SDK1: variants seen among roughly 807,000 people sequenced by gnomAD.
The protein encoded by SDK1 is sidekick cell adhesion molecule 1.
In SDK1, 157 loss-of-function variants were observed where a neutral mutation model predicts 245.5. That is an observed-to-expected ratio of 0.64 (90% CI 0.56 to 0.73). The LOEUF (loss-of-function observed/expected upper bound fraction) is 0.73, where lower values mean the gene tolerates loss of function less well. Ranked by LOEUF, SDK1 falls within the 30% of genes least tolerant of loss-of-function variation. The probability of loss-of-function intolerance (pLI) is 0.00; values close to 1 mark genes in which losing one functional copy is unlikely to be tolerated. For synonymous variants in SDK1, 1,647 were observed against 1,278.5 expected (o/e 1.29, Z -6.15); for missense variants, 3,583 against 3,002.3 (o/e 1.19, Z -4.52).
intron 38 of SDK1, among the ~76,000 whole-genome samples, chr7:4,215,179 G>A (rs987172540): frequency 6.6e-6 from 1 of 152,200 alleles, no homozygotes; most frequent in African/African-American, 2.4e-5. Flanking sequence ...AAAGAAGAAC[G>A]TGGACCAAGA....
At chr7:3,882,561 C>G (rs967037076) in intron 5 of SDK1, among the ~76,000 whole-genome samples, 1 of 152,298 alleles carries the variant, frequency 6.6e-6, no homozygotes, top group East Asian at 1.9e-4. Context: ...GATGATCTGA[C>G]CTAGTCTGGG....
At chr7:3,719,141 A>T (rs1314143988) in intron 4 of SDK1, among the ~76,000 whole-genome samples, 2 of 152,312 alleles carry the variant, frequency 1.3e-5, no homozygotes, top group East Asian at 3.9e-4. Flanking sequence ...GATAAATCTA[A>T]CAAGAATAGA....
intron 1 of SDK1, among the ~76,000 whole-genome samples, chr7:3,431,612 C>T (rs933369104): frequency 6.6e-6 from 1 of 152,006 alleles, no homozygotes; most frequent in Non-Finnish European, 1.5e-5. Context: ...GAGAATCAAA[C>T]TTTTGTGGTA....
intron 1 of SDK1, among the ~76,000 whole-genome samples, chr7:3,348,992 T>C (rs1780582960): frequency 6.6e-6 from 1 of 152,102 alleles, no homozygotes; most frequent in Non-Finnish European, 1.5e-5. Context: ...GCCCCTCACG[T>C]TTTTGTGCAT....
intron 23 of SDK1, among the ~76,000 whole-genome samples, chr7:4,112,514 G>A (rs570717009): frequency 1.2e-3 from 185 of 152,242 alleles, no homozygotes; most frequent in Non-Finnish European, 1.8e-3. Context: ...TAAAAGGCTG[G>A]ACTTCAAAAC....
At chr7:3,720,152 A>G (rs1361312980) in intron 4 of SDK1, among the ~76,000 whole-genome samples, 1 of 152,136 alleles carries the variant, frequency 6.6e-6, no homozygotes, top group African/African-American at 2.4e-5. Flanking sequence ...GCCACTCGGG[A>G]GGCTGAGGGA....
At chr7:3,851,473 T>G (rs1780418261) in intron 5 of SDK1, among the ~76,000 whole-genome samples, 1 of 152,218 alleles carries the variant, frequency 6.6e-6, no homozygotes. Flanking sequence ...CATTGCGTGT[T>G]TATGTTCTTG....
intron 1 of SDK1, among the ~76,000 whole-genome samples, chr7:3,545,667 C>T (rs1779200092): frequency 6.6e-6 from 1 of 152,198 alleles, no homozygotes; most frequent in Admixed American, 6.5e-5. Flanking sequence ...TGCCTGCCAT[C>T]CTCTGGCTGG....
chr7:3,824,317 T>C (rs1427382827), intron 5 of SDK1, among the ~76,000 whole-genome samples: 1 of 152,234 alleles, frequency 6.6e-6, no homozygotes, highest in Non-Finnish European at 1.5e-5. Flanking sequence ...AAAAACTTTC[T>C]GGCCAGCGTT....
chr7:4,114,033 C>T lies in SDK1; in HGVS notation c.3586-4C>T, dbSNP rs777952083. 11 of 1,613,374 alleles carry T rather than the reference C, an allele frequency of 6.8e-6. No homozygotes were observed. The African/African-American group carries it at 1.1e-4, about 16-fold the overall frequency. ...GCTCATCGCGACTCCTCGTTCCTTC[C>T]TAGCCCCTGCCGGATTCTCAGTACA... is the stretch of plus-strand genomic sequence containing the variant. On this transcript the variant is annotated splice_polypyrimidine_tract_variant and splice_region_variant and intron_variant, in intron 24 of 44. Transcript: ENST00000404826.
intron 2 of SDK1, among the ~76,000 whole-genome samples, chr7:3,623,972 T>C (rs981482258): frequency 6.6e-6 from 1 of 152,198 alleles, no homozygotes; most frequent in African/African-American, 2.4e-5. Context: ...TTTTTTTCTT[T>C]TGTTTTATAA....
At chr7:3,551,153 T>G (rs1257971984) in intron 1 of SDK1, among the ~76,000 whole-genome samples, 1 of 152,216 alleles carries the variant, frequency 6.6e-6, no homozygotes, top group Non-Finnish European at 1.5e-5. Flanking sequence ...TAACCGTAGT[T>G]TGTCAGGAGT....
chr7:4,098,146 G>C (rs1782281528), intron 22 of SDK1, among the ~76,000 whole-genome samples: 1 of 152,154 alleles, frequency 6.6e-6, no homozygotes, highest in Admixed American at 6.5e-5. Flanking sequence ...TGGTGGAAAA[G>C]GGGCCTTTTT....
Position 4,266,531 on chromosome 7 carries a change from C to G in SDK1, c.*1147C>G. On this transcript the variant is annotated 3_prime_UTR_variant, in exon 45 of 45. Coordinates refer to ENST00000404826, the MANE Select transcript of SDK1 (RefSeq NM_152744.4). ...GCTGCTGCTGCCCCCTCTCCCAGTC[C>G]GAGGCCAGCTTTTAGCCTTAACAGG... The G allele has an allele frequency of 1.0e-6, 1 of 985,250 alleles. No individual in the cohort carries two copies. Among genetic ancestry groups the G allele is most frequent in the Non-Finnish European group, 1.2e-6 (1 of 829,912 alleles). 61.0% of individuals were successfully genotyped at this position (985,250 alleles called of 1,614,324 possible). A position where few individuals can be genotyped will look rare whatever the true frequency, so the allele number is the denominator to read the frequency against.
intron 17 of SDK1, among the ~76,000 whole-genome samples, chr7:4,018,515 A>G (rs1027164618): frequency 2.6e-5 from 4 of 152,234 alleles, no homozygotes; most frequent in Admixed American, 2.0e-4. Flanking sequence ...TCATTTGAAA[A>G]GGAAAATGGC....
intron 35 of SDK1, among the ~76,000 whole-genome samples, chr7:4,201,612 C>G (rs1372062531): frequency 6.6e-6 from 1 of 152,242 alleles, no homozygotes; most frequent in African/African-American, 2.4e-5. Flanking sequence ...TGGTCCAGTA[C>G]TGCTCTAGCC....
intron 1 of SDK1, among the ~76,000 whole-genome samples, chr7:3,580,986 A>AAC (rs1780465802): frequency 7.2e-6 from 1 of 139,768 alleles, no homozygotes; most frequent in Non-Finnish European, 1.6e-5. Context: ...AAAAAAAAAA[A>AAC]AAAAAAAACC....
At chr7:4,052,870 C>T (rs974895491) in intron 19 of SDK1, among the ~76,000 whole-genome samples, 4 of 151,960 alleles carry the variant, frequency 2.6e-5, no homozygotes, top group Admixed American at 1.3e-4. Context: ...AGTTGGATCA[C>T]GAGGTCAGGA....
chr7:3,779,336 A>G (rs1780655635), intron 4 of SDK1, among the ~76,000 whole-genome samples: 1 of 152,194 alleles, frequency 6.6e-6, no homozygotes, highest in Non-Finnish European at 1.5e-5. Context: ...AGAGCAAGGC[A>G]GCTCCGTCTT....
Sources: gnomAD v4.1 joint callset for allele counts (sites outside exome capture counted in the v4.1 genomes callset) on GRCh38, gnomAD v4.1.1 for gene constraint, MANE v1.5 for transcripts, NCBI Gene and HGNC (gene_info 2026-07-23, HGNC 2026-07-21) for gene names.